The following EXT1 variants were observed in gnomAD, a reference collection of about 807,000 sequenced individuals.
EXT1 encodes the protein exostosin-1.
Under a neutral mutation model 82.5 loss-of-function variants are expected in EXT1, and 20 were observed. That is an observed-to-expected ratio of 0.24 (90% CI 0.17 to 0.35). The LOEUF (loss-of-function observed/expected upper bound fraction) is 0.35. Ranked by LOEUF, EXT1 falls within the 10% of genes least tolerant of loss-of-function variation. The pLI is 1.00. For missense variants in EXT1, 757 were observed against 936.5 expected (o/e 0.81, Z 2.50); for synonymous variants, 348 against 350.8 (o/e 0.99, Z 0.09).
At chr8:118,012,109 C>T (rs1815911805) in intron 1 of EXT1, among the ~76,000 whole-genome samples, 3 of 152,188 alleles carry the variant, frequency 2.0e-5, no homozygotes, top group Non-Finnish European at 4.4e-5. Context: ...CTTTAAAGTG[C>T]TTTGTTATCA....
chr8:117,939,752 C>T (rs1357522113), intron 1 of EXT1, among the ~76,000 whole-genome samples: 1 of 152,114 alleles, frequency 6.6e-6, no homozygotes, highest in East Asian at 1.9e-4. Flanking sequence ...GGTGCATATC[C>T]TTTATTCCTT....
intron 1 of EXT1, among the ~76,000 whole-genome samples, chr8:118,004,094 A>G (rs1001801639): frequency 6.6e-6 from 1 of 152,204 alleles, no homozygotes; most frequent in Non-Finnish European, 1.5e-5. Flanking sequence ...ACAACCTCCC[A>G]AACAGCAGAG....
At chr8:118,071,482 A>G (rs1817093134) in intron 1 of EXT1, among the ~76,000 whole-genome samples, 1 of 151,456 alleles carries the variant, frequency 6.6e-6, no homozygotes, top group Non-Finnish European at 1.5e-5. Context: ...TGTATTCCAA[A>G]GAAAGTAAGT....
chr8:117,881,719 T>G lies in EXT1; in HGVS notation c.963-44518A>C, dbSNP rs1435770727. Among the ~76,000 whole-genome samples the G allele has an allele frequency of 3.3e-5, 5 of 152,306 alleles. 1 individual carries two copies. The highest frequency in any genetic ancestry group is 6.8e-3 in the Middle Eastern group (2 of 294). ...GGTCTGCAAAAACTCAAGTCACTGT[T>G]TGTCCCTAAAAAGAAAAGAAAATGT... On this transcript the variant is annotated intron_variant, in intron 1 of 10. Transcript: ENST00000378204.
chr8:118,079,998 T>C (rs1384886444), intron 1 of EXT1, among the ~76,000 whole-genome samples: 2 of 152,184 alleles, frequency 1.3e-5, no homozygotes, highest in African/African-American at 2.4e-5. Context: ...CCTTATTCAA[T>C]AAACATTCCC....
chr8:117,986,024 A>G (rs1815309505), intron 1 of EXT1, among the ~76,000 whole-genome samples: 3 of 152,036 alleles, frequency 2.0e-5, no homozygotes, highest in Admixed American at 6.5e-5. Flanking sequence ...TGTATTCTTG[A>G]CTTTTTTTTA....
chr8:117,818,598 C>T lies in EXT1; in HGVS notation c.1537-68G>A, dbSNP rs17439680. The T allele has an allele frequency of 2.4e-3, 2,925 of 1,210,626 alleles. 18 individuals are homozygous for T. Among genetic ancestry groups the T allele is most frequent in the South Asian group, 4.2e-3 (349 of 82,882 alleles). The allele number at this position is 1,210,626 out of a possible 1,614,324, so 75.0% of individuals were successfully genotyped here. A position where few individuals can be genotyped will look rare whatever the true frequency, so the allele number is the denominator to read the frequency against. On this transcript the variant is annotated intron_variant, in intron 6 of 10. Coordinates refer to ENST00000378204, the MANE Select transcript of EXT1 (RefSeq NM_000127.3). Reference sequence around the variant, plus strand: ...TTTATGTATGCCTCCAACCCAAAGCCTCTTCTCAGAGACAGAAAGAGAAAG... The same window carrying T: ...TTTATGTATGCCTCCAACCCAAAGCTTCTTCTCAGAGACAGAAAGAGAAAG...
chr8:118,111,574 C>G lies in EXT1; in HGVS notation c.-528G>C. On this transcript the variant is annotated 5_prime_UTR_variant, in exon 1 of 11. Coordinates refer to ENST00000378204, the MANE Select transcript of EXT1 (RefSeq NM_000127.3). The stretch of plus-strand genomic sequence containing the variant: ...CGGCTAGTGCATCTTGCAGCTGGGG[C>G]GCCGTAACCTCACAAATCCCTGCAT... 1 of 428,024 alleles carries G rather than the reference C, an allele frequency of 2.3e-6. No individual in the cohort carries two copies. Among genetic ancestry groups the G allele is most frequent in the Admixed American group, 3.9e-5 (1 of 25,894 alleles). 26.5% of individuals were successfully genotyped at this position (428,024 alleles called of 1,614,324 possible). A position where few individuals can be genotyped will look rare whatever the true frequency, so the allele number is the denominator to read the frequency against.
chr8:117,903,292 A>G (rs1275699445), intron 1 of EXT1, among the ~76,000 whole-genome samples: 1 of 152,254 alleles, frequency 6.6e-6, no homozygotes, highest in Non-Finnish European at 1.5e-5. Flanking sequence ...AAGAACAGGG[A>G]GAGAGGAGGA....
At chr8:117,835,652 A>G in intron 2 of EXT1, 101 bp from the exon 3 acceptor site, 1 of 857,908 alleles carries the variant, frequency 1.2e-6, no homozygotes, top group South Asian at 1.4e-5. Flanking sequence ...GGCATTTTTG[A>G]CACTGCATGA....
intron 1 of EXT1, among the ~76,000 whole-genome samples, chr8:117,923,443 C>G (rs1277074185): frequency 3.3e-5 from 5 of 151,952 alleles, no homozygotes; most frequent in African/African-American, 9.7e-5. Context: ...AGCGGCTGGG[C>G]ACGGTGGCTC....
At chr8:118,018,287 G>A (rs1364548545) in intron 1 of EXT1, among the ~76,000 whole-genome samples, 2 of 152,070 alleles carry the variant, frequency 1.3e-5, no homozygotes, top group East Asian at 3.9e-4. Flanking sequence ...TGTCCTTATA[G>A]GAAGGGGAAA....
chr8:117,810,538 T>A (rs1223226493), intron 8 of EXT1, among the ~76,000 whole-genome samples: 1 of 152,220 alleles, frequency 6.6e-6, no homozygotes, highest in Non-Finnish European at 1.5e-5. Context: ...TGAGGATGCA[T>A]CACAGCAGTT....
At chr8:118,074,363 G>A (rs893324014) in intron 1 of EXT1, among the ~76,000 whole-genome samples, 13 of 152,324 alleles carry the variant, frequency 8.5e-5, no homozygotes, top group African/African-American at 3.1e-4. Flanking sequence ...AGCCAGGAAT[G>A]CATCCGAGGG....
chr8:117,955,926 GGCAAGGAT>G (rs1200572587), intron 1 of EXT1, among the ~76,000 whole-genome samples: 3 of 152,066 alleles, frequency 2.0e-5, no homozygotes, highest in Non-Finnish European at 2.9e-5. Flanking sequence ...CTGCCCTTAT[GGCAAGGAT>G]CCAGCTTGAG....
intron 1 of EXT1, among the ~76,000 whole-genome samples, chr8:117,944,591 T>C (rs1325786101): frequency 6.6e-6 from 1 of 152,238 alleles, no homozygotes; most frequent in Non-Finnish European, 1.5e-5. Context: ...GACCGTACTC[T>C]GCACAGAAGA....
chr8:118,108,220 T>C (rs1305646624), intron 1 of EXT1, among the ~76,000 whole-genome samples: 2 of 152,230 alleles, frequency 1.3e-5, no homozygotes, highest in Non-Finnish European at 2.9e-5. Flanking sequence ...AAAGATATTA[T>C]TCACTTGGAT....
chr8:118,022,383 G>A (rs1326112165), intron 1 of EXT1, among the ~76,000 whole-genome samples: 1 of 124,578 alleles, frequency 8.0e-6, no homozygotes. Context: ...TGTCACCCAG[G>A]CTGGAGTGCA....
At chr8:118,028,474 G>A (rs1237054069) in intron 1 of EXT1, among the ~76,000 whole-genome samples, 1 of 151,784 alleles carries the variant, frequency 6.6e-6, no homozygotes, top group African/African-American at 2.4e-5. Context: ...CTGATAGCCT[G>A]GTAGTTTCTA....
Sources: allele counts gnomAD v4.1 joint callset (sites outside exome capture counted in the v4.1 genomes callset), GRCh38; gene constraint gnomAD v4.1.1; transcripts MANE v1.5; gene names NCBI Gene and HGNC (gene_info 2026-07-23, HGNC 2026-07-21).